Variants in PRKDC observed in about 807,000 individuals in gnomAD.
PRKDC encodes the protein DNA-dependent protein kinase catalytic subunit.
In PRKDC, 82 loss-of-function variants were observed where a neutral mutation model predicts 486.9. The ratio of observed to expected loss-of-function variants is 0.17; its 90% confidence interval spans 0.14 to 0.20. The LOEUF is 0.20. Among genes scored for constraint, PRKDC ranks in the 10% least tolerant of loss-of-function variants. The pLI is 1.00. For synonymous variants in PRKDC, 1,895 were observed against 1,837.0 expected (o/e 1.03, Z -0.81); for missense variants, 4,504 against 5,038.2 (o/e 0.89, Z 3.21).
At position 47,807,037 on chromosome 8, in the gene PRKDC, T is replaced by C. The variant is rs2087227112; in HGVS notation, c.9747+100A>G. On this transcript the variant is annotated intron_variant, in intron 69 of 85. Transcript: ENST00000314191. ...AGAGAAAAAAAATAACACCTACCAA[T>C]TATTTTAAGGTTCAGACTCTAAAGA... is the stretch of plus-strand genomic sequence containing the variant. 9.9e-6 allele frequency: 12 copies of C among 1,217,582 alleles called. No homozygotes were observed. In the Admixed American group the frequency reaches 3.3e-4, roughly 34 times the overall value. 75.4% of individuals were successfully genotyped at this position (1,217,582 alleles called of 1,614,324 possible). A position where few individuals can be genotyped will look rare whatever the true frequency, so the allele number is the denominator to read the frequency against.
Position 47,953,948 on chromosome 8 carries a change from G to A in PRKDC, c.509-29C>T, listed in dbSNP as rs1005588015. On this transcript the variant is annotated intron_variant, in intron 5 of 85. Coordinates refer to ENST00000314191, the MANE Select transcript of PRKDC (RefSeq NM_006904.7). ...AAAAGAAAATTTTAGACAAGTGAAG[G>A]CCTCAAACTACATTTAAATAAGTTA... 24 of 1,305,012 alleles carry A rather than the reference G, an allele frequency of 1.8e-5. No homozygotes were observed. The East Asian group carries it at 5.4e-4, about 29-fold the overall frequency. The allele number at this position is 1,305,012 out of a possible 1,614,324, so 80.8% of individuals were successfully genotyped here.
intron 12 of PRKDC, 71 bp downstream of exon 12, chr8:47,936,282 A>C (rs1161379371): frequency 4.0e-6 from 6 of 1,485,964 alleles, no homozygotes; most frequent in Non-Finnish European, 5.5e-6. Flanking sequence ...AATGTATTGT[A>C]TGACTCCATC....
intron 3 of PRKDC, among the ~76,000 whole-genome samples, chr8:47,956,862 GA>G (rs200015179): frequency 2.0e-5 from 3 of 147,468 alleles, no homozygotes; most frequent in Admixed American, 6.9e-5. Flanking sequence ...ACCTCCTCAG[GA>G]AAAAAAAGTA....
At chr8:47,787,444 T>C (rs1459561858) in intron 76 of PRKDC, among the ~76,000 whole-genome samples, 3 of 152,258 alleles carry the variant, frequency 2.0e-5, no homozygotes, top group Non-Finnish European at 4.4e-5. Context: ...CATAATGCCC[T>C]TAAGGATCCT....
chr8:47,939,126 G>A (rs1236638972), intron 11 of PRKDC, among the ~76,000 whole-genome samples: 1 of 152,050 alleles, frequency 6.6e-6, no homozygotes, highest in African/African-American at 2.4e-5. Context: ...AGCTCCTAAG[G>A]GTTAGGAGAT....
intron 1 of PRKDC, among the ~76,000 whole-genome samples, 199 bp downstream of exon 1, chr8:47,959,774 A>G (rs2090780630): frequency 1.3e-5 from 2 of 152,190 alleles, no homozygotes; most frequent in Non-Finnish European, 2.9e-5. Context: ...TGGCTTTAAA[A>G]TATCTTTCCT....
intron 57 of PRKDC, 89 bp downstream of exon 57, chr8:47,837,123 A>C (rs1251823458): frequency 1.5e-6 from 2 of 1,318,664 alleles, no homozygotes; most frequent in African/African-American, 1.5e-5. Context: ...TATTCTGAGA[A>C]GGCAAAGAGC....
chr8:47,891,783 A>G (rs897874749), intron 31 of PRKDC, among the ~76,000 whole-genome samples: 21 of 152,234 alleles, frequency 1.4e-4, no homozygotes, highest in Non-Finnish European at 2.5e-4. Flanking sequence ...ATTGGATTGT[A>G]AGACACACTG....
At chr8:47,864,486 A>C in intron 41 of PRKDC, 70 bp downstream of exon 41, 2 of 1,384,188 alleles carry the variant, frequency 1.4e-6, no homozygotes, top group South Asian at 2.7e-5. Flanking sequence ...GACTGAGCAC[A>C]CAGCAGTGTC....
At chr8:47,869,800 C>A (rs1210872545) in intron 40 of PRKDC, among the ~76,000 whole-genome samples, 1 of 152,070 alleles carries the variant, frequency 6.6e-6, no homozygotes, top group Non-Finnish European at 1.5e-5. Context: ...GAGGGGAGCC[C>A]ACTACCCTGA....
chr8:47,854,870 T>C (rs1406833342), intron 50 of PRKDC, among the ~76,000 whole-genome samples: 2 of 152,184 alleles, frequency 1.3e-5, no homozygotes, highest in Non-Finnish European at 2.9e-5. Context: ...TCTCCCTTAG[T>C]TGATAGCAAA....
intron 63 of PRKDC, among the ~76,000 whole-genome samples, chr8:47,825,808 C>T (rs995418613): frequency 3.9e-5 from 6 of 152,192 alleles, no homozygotes; most frequent in African/African-American, 1.4e-4. Flanking sequence ...TCTGAATGGC[C>T]CTGGCATTTT....
chr8:47,845,889 G>A (rs955637306), intron 54 of PRKDC, among the ~76,000 whole-genome samples: 7 of 152,020 alleles, frequency 4.6e-5, no homozygotes, highest in Non-Finnish European at 7.4e-5. Flanking sequence ...AAAAGAAAAC[G>A]TCAGGCCAAA....
intron 25 of PRKDC, among the ~76,000 whole-genome samples, chr8:47,905,314 C>T (rs563653316): frequency 2.0e-5 from 3 of 152,264 alleles, no homozygotes; most frequent in South Asian, 2.1e-4. Context: ...CAGGTATGAG[C>T]CACCATCCCC....
rs558558313 is a variant in PRKDC, at chr8:47,830,628, T to C, written c.8374A>G (p.Thr2792Ala). ...ACCTGGGCCACGGCCTGTAACGGGGTGATGAGGCTGCTGTGCTTGATCTGA... is the reference window on the plus strand; with the variant it reads ...ACCTGGGCCACGGCCTGTAACGGGGCGATGAGGCTGCTGTGCTTGATCTGA... ...DIQIKHSSLITPLQAVAQRDP... is the reference protein window; with the variant it reads ...DIQIKHSSLIAPLQAVAQRDP... The change falls in exon 61 of 86, where the codon ACC becomes GCC. Residue 2792 changes from threonine (T) to alanine (A), a missense_variant. Thr to Ala is a moderately conservative substitution (Grantham distance 58). This residue lies in a region of PRKDC where 1,592 missense variants were observed against 1,724.6 expected (regional missense o/e 0.92). Coordinates refer to ENST00000314191, the MANE Select transcript of PRKDC (RefSeq NM_006904.7). 5.9e-5 allele frequency: 96 copies of C among 1,613,644 alleles called. No individual in the cohort carries two copies. In the South Asian group the frequency reaches 9.9e-4, roughly 17 times the overall value.
At chr8:47,821,370 A>C (rs1042307736) in intron 65 of PRKDC, among the ~76,000 whole-genome samples, 1 of 152,224 alleles carries the variant, frequency 6.6e-6, no homozygotes, top group Non-Finnish European at 1.5e-5. Flanking sequence ...ATGTAGTCAT[A>C]CTAGGAATGT....
At position 47,954,501 on chromosome 8, in the gene PRKDC, A is replaced by G. The variant is rs982906971; in HGVS notation, c.400-55T>C. 7.4e-6 allele frequency: 5 copies of G among 673,950 alleles called. No individual in the cohort carries two copies. The African/African-American group carries it at 9.3e-5, about 13-fold the overall frequency. The allele number at this position is 673,950 out of a possible 1,614,324, so 41.7% of individuals were successfully genotyped here. A position where few individuals can be genotyped will look rare whatever the true frequency, so the allele number is the denominator to read the frequency against. The stretch of plus-strand genomic sequence containing the variant: ...TAGTGCGGGAATCAAGAAAAAAAAC[A>G]CAATACAAATTAGCATTCTCTCTAA... On this transcript the variant is annotated intron_variant, in intron 4 of 85. Coordinates refer to ENST00000314191, the MANE Select transcript of PRKDC (RefSeq NM_006904.7).
At chr8:47,874,298 T>C (rs1563778696) in intron 40 of PRKDC, among the ~76,000 whole-genome samples, 1 of 152,144 alleles carries the variant, frequency 6.6e-6, no homozygotes, top group Non-Finnish European at 1.5e-5. Flanking sequence ...TTATTTCTCA[T>C]GCAAAGAAGG....
Position 47,782,553 on chromosome 8 carries a change from G to A in PRKDC, c.11221C>T (p.Arg3741Cys), listed in dbSNP as rs377577136. The A allele has an allele frequency of 2.4e-5, 38 of 1,572,092 alleles. No homozygotes were observed. Among genetic ancestry groups the A allele is most frequent in the Non-Finnish European group, 3.0e-5 (35 of 1,158,882 alleles). The part of the protein sequence containing the change: ...SLRRPKRIII[R>C]GHDEREHPFL... Reference sequence around the variant, plus strand: ...GGGTGTTCCCTCTCGTCATGGCCACGGATGATGATGCGCTTGGGCCTTCGC... The same window carrying A: ...GGGTGTTCCCTCTCGTCATGGCCACAGATGATGATGCGCTTGGGCCTTCGC... Residue 3741 changes from arginine (R) to cysteine (C), a missense_variant, in exon 79 of 86, where the codon CGT becomes TGT. Physicochemically the swap from Arg to Cys is radical, Grantham distance 180 (BLOSUM62 -3). Around this residue, in one of 6 missense-constraint regions of PRKDC, gnomAD observed 706 missense variants for 945.0 expected, o/e 0.75. Coordinates refer to ENST00000314191, the MANE Select transcript of PRKDC (RefSeq NM_006904.7). The surrounding 1 kb of genome is among the most constrained non-coding windows in gnomAD (Gnocchi z 4.9).
Sources: allele counts gnomAD v4.1 joint callset (sites outside exome capture counted in the v4.1 genomes callset), GRCh38; gene constraint gnomAD v4.1.1; regional missense constraint gnomAD v4.1.1; non-coding constraint Gnocchi (gnomAD v3.1); transcripts MANE v1.5; gene names NCBI Gene and HGNC (gene_info 2026-07-23, HGNC 2026-07-21).